The following DACH1 variants were observed in gnomAD, a reference collection of about 807,000 sequenced individuals.
DACH1 encodes dachshund family transcription factor 1, also known as dachshund homolog 1.
DACH1 carries 12 observed loss-of-function variants against 54.2 expected under a neutral mutation model. The ratio of observed to expected loss-of-function variants is 0.22; its 90% CI spans 0.14 to 0.36. The LOEUF is 0.36. Ranked by LOEUF, DACH1 falls within the 10% of genes least tolerant of loss-of-function variation. The pLI, the probability that DACH1 is intolerant of heterozygous loss-of-function variation, is 1.00. For missense variants in DACH1, 805 were observed against 929.8 expected, an observed-to-expected ratio of 0.87 and a Z score of 1.75; for synonymous variants, 386 against 366.2, an observed-to-expected ratio of 1.05 and a Z score of -0.62.
chr13:71,710,681 G>A (rs993208137), intron 1 of DACH1, among the ~76,000 whole-genome samples: 7 of 152,054 alleles, frequency 4.6e-5, no homozygotes, highest in Non-Finnish European at 1.0e-4. Context: ...TCATTTTGGA[G>A]GTGGCCAGGT....
chr13:71,592,494 CAAA>C, intron 3 of DACH1, among the ~76,000 whole-genome samples: 1 of 32,794 alleles, frequency 3.0e-5, no homozygotes, highest in African/African-American at 1.1e-4. Context: ...GACTCTATCT[CAAA>C]AAAAAAAAAA....
At chr13:71,637,748 A>G (rs1484951316) in intron 2 of DACH1, among the ~76,000 whole-genome samples, 1 of 152,140 alleles carries the variant, frequency 6.6e-6, no homozygotes, top group Non-Finnish European at 1.5e-5. Flanking sequence ...CCATTATACA[A>G]TCCTGATTAC....
chr13:71,585,856 G>T (rs141739576), intron 3 of DACH1, among the ~76,000 whole-genome samples: 6 of 152,084 alleles, frequency 3.9e-5, no homozygotes, highest in African/African-American at 1.2e-4. Context: ...TATGACCAGG[G>T]CAGGATTCCT....
intron 8 of DACH1, 48 bp from the exon 9 acceptor site, chr13:71,475,897 T>C (rs750109743): frequency 2.3e-6 from 3 of 1,304,062 alleles, no homozygotes; most frequent in East Asian, 5.4e-5. Flanking sequence ...TAAATTTTCA[T>C]AATGCTGCTA....
intron 1 of DACH1, among the ~76,000 whole-genome samples, chr13:71,749,410 C>G (rs1372478847): frequency 6.6e-6 from 1 of 151,884 alleles, no homozygotes; most frequent in African/African-American, 2.4e-5. Context: ...TGAGAACACA[C>G]TAGATTTTTT....
intron 1 of DACH1, among the ~76,000 whole-genome samples, chr13:71,713,920 ACTT>A (rs1342942465): frequency 2.6e-5 from 4 of 152,056 alleles, no homozygotes; most frequent in East Asian, 1.9e-4. Flanking sequence ...CCTTTTTACC[ACTT>A]CTTATTTTCA....
At chr13:71,623,348 T>C (rs921400445) in intron 3 of DACH1, among the ~76,000 whole-genome samples, 2 of 151,704 alleles carry the variant, frequency 1.3e-5, no homozygotes, top group South Asian at 2.1e-4. Flanking sequence ...TTTAAAATAA[T>C]CTAATTTAAG....
At chr13:71,755,457 A>T (rs1210592012) in intron 1 of DACH1, among the ~76,000 whole-genome samples, 1 of 152,110 alleles carries the variant, frequency 6.6e-6, no homozygotes, top group East Asian at 1.9e-4. Flanking sequence ...AGCTAGTTAA[A>T]TCTCTTCTTT....
chr13:71,701,062 T>A (rs951750005), intron 1 of DACH1, among the ~76,000 whole-genome samples: 1 of 152,168 alleles, frequency 6.6e-6, no homozygotes, highest in African/African-American at 2.4e-5. Context: ...TCCTCCCTGA[T>A]CTTAAAGCAT....
Position 71,474,249 on chromosome 13 carries a change from C to T in DACH1, c.2083+892G>A, listed in dbSNP as rs74966320. On this transcript the variant is annotated intron_variant, in intron 10 of 10. Coordinates refer to ENST00000613252, the MANE Select transcript of DACH1 (RefSeq NM_080759.6). ...AGTTTACAAAAGTATATTTCCTTTACACTAAGCCAAGAATGACATATTTGG... is the reference window on the plus strand; with the variant it reads ...AGTTTACAAAAGTATATTTCCTTTATACTAAGCCAAGAATGACATATTTGG... Among the ~76,000 whole-genome samples the T allele has an allele frequency of 5.7e-3, 872 of 152,190 alleles. 11 individuals carry two copies. The highest frequency in any genetic ancestry group is 0.02 in the African/African-American group (827 of 41,546).
intron 3 of DACH1, among the ~76,000 whole-genome samples, chr13:71,590,875 CTTTTT>C (rs71123234): frequency 1.2e-5 from 1 of 85,128 alleles, no homozygotes; most frequent in African/African-American, 4.6e-5. Context: ...CTCTCTCTTT[CTTTTT>C]TTTTTTTTTT....
At chr13:71,668,627 T>A (rs188615630) in intron 2 of DACH1, among the ~76,000 whole-genome samples, 2,380 of 151,758 alleles carry the variant, frequency 0.016, 28 homozygotes, top group South Asian at 0.02. Context: ...TTTTTTTTTT[T>A]AAAAATAAAG....
chr13:71,826,458 G>C (rs958012740), intron 1 of DACH1, among the ~76,000 whole-genome samples: 2 of 151,840 alleles, frequency 1.3e-5, no homozygotes, highest in Non-Finnish European at 2.9e-5. Context: ...GTGGCCAGCT[G>C]GTACCTTCTC....
intron 3 of DACH1, among the ~76,000 whole-genome samples, chr13:71,576,315 G>A (rs1318972026): frequency 6.6e-6 from 1 of 152,020 alleles, no homozygotes; most frequent in African/African-American, 2.4e-5. Flanking sequence ...GTAAAAGATG[G>A]GACAAGCAAG....
chr13:71,779,262 T>TACACATATAC (rs1566495192), intron 1 of DACH1, among the ~76,000 whole-genome samples: 2 of 66,626 alleles, frequency 3.0e-5, no homozygotes, highest in African/African-American at 1.8e-4. Flanking sequence ...TACGTATATA[T>TACACATATAC]GTGTATATAT....
intron 1 of DACH1, among the ~76,000 whole-genome samples, chr13:71,748,663 T>A (rs1001874659): frequency 6.6e-6 from 1 of 152,172 alleles, no homozygotes; most frequent in Non-Finnish European, 1.5e-5. Flanking sequence ...ATAAGCTAAC[T>A]GGAAGTCTGC....
At chr13:71,864,175 G>GCACACACACACACACACA in intron 1 of DACH1, among the ~76,000 whole-genome samples, 1 of 97,022 alleles carries the variant, frequency 1.0e-5, no homozygotes, top group African/African-American at 5.6e-5. Context: ...GCGCGCGCGC[G>GCACACACACACACACACA]CACATACACA....
At chr13:71,708,184 C>T (rs1566447845) in intron 1 of DACH1, among the ~76,000 whole-genome samples, 1 of 151,422 alleles carries the variant, frequency 6.6e-6, no homozygotes, top group African/African-American at 2.4e-5. Context: ...TATATAGTCT[C>T]TTCTGCATGG....
At chr13:71,840,774 A>G (rs1386265978) in intron 1 of DACH1, among the ~76,000 whole-genome samples, 1 of 152,230 alleles carries the variant, frequency 6.6e-6, no homozygotes, top group African/African-American at 2.4e-5. Flanking sequence ...GACCACATCA[A>G]TATCTGAGCA....
Sources: allele counts gnomAD v4.1 joint callset (sites outside exome capture counted in the v4.1 genomes callset), GRCh38; gene constraint gnomAD v4.1.1; transcripts MANE v1.5; gene names NCBI Gene and HGNC (gene_info 2026-07-23, HGNC 2026-07-21).